TNS3: variants seen among roughly 807,000 people sequenced by gnomAD.
TNS3 encodes the protein tensin-3.
A neutral mutation model predicts 140.9 loss-of-function variants in TNS3; 45 were observed. The observed-to-expected ratio is 0.32, with a 90% confidence interval of 0.25 to 0.41. The LOEUF (loss-of-function observed/expected upper bound fraction) is 0.41, where lower values mean the gene tolerates loss of function less well. Ranked by LOEUF, TNS3 falls within the 10% of genes least tolerant of loss-of-function variation. TNS3 has a pLI of 1.00. For missense variants in TNS3, 1,716 were observed against 1,906.7 expected, an observed-to-expected ratio of 0.90 and a Z score of 1.86; for synonymous variants, 815 against 788.4, an observed-to-expected ratio of 1.03 and a Z score of -0.56.
At chr7:47,531,885 T>G (rs1381596518) in intron 1 of TNS3, among the ~76,000 whole-genome samples, 2 of 152,148 alleles carry the variant, frequency 1.3e-5, no homozygotes, top group African/African-American at 4.8e-5. Flanking sequence ...AGGCAGGATC[T>G]GCCCCCCGGG....
intron 16 of TNS3, among the ~76,000 whole-genome samples, chr7:47,379,620 C>T (rs1044810792): frequency 2.0e-5 from 3 of 152,056 alleles, no homozygotes; most frequent in African/African-American, 4.8e-5. Context: ...AAATAAAAGA[C>T]GGTAATAAAC....
intron 4 of TNS3, among the ~76,000 whole-genome samples, chr7:47,459,964 T>C (rs1466228094): frequency 6.6e-6 from 1 of 152,084 alleles, no homozygotes; most frequent in African/African-American, 2.4e-5. Context: ...AATGACACCA[T>C]TAGGGTGGCC....
At chr7:47,340,062 T>TAC (rs1788877482) in intron 20 of TNS3, among the ~76,000 whole-genome samples, 3 of 138,760 alleles carry the variant, frequency 2.2e-5, no homozygotes, top group Admixed American at 1.5e-4. Context: ...TGTATATATA[T>TAC]ACATACGAAT....
chr7:47,396,347 G>A (rs546015542), intron 16 of TNS3, among the ~76,000 whole-genome samples: 73 of 152,192 alleles, frequency 4.8e-4, no homozygotes, highest in Non-Finnish European at 7.8e-4. Context: ...AAATGATACA[G>A]CCATAAATCA....
At chr7:47,568,729 T>A (rs897093468) in intron 1 of TNS3, among the ~76,000 whole-genome samples, 1 of 152,222 alleles carries the variant, frequency 6.6e-6, no homozygotes, top group Non-Finnish European at 1.5e-5. Flanking sequence ...AACAGAACAG[T>A]GCGTTATGGA....
intron 1 of TNS3, among the ~76,000 whole-genome samples, chr7:47,540,951 G>C (rs147763119): frequency 4.6e-5 from 7 of 152,274 alleles, no homozygotes; most frequent in African/African-American, 1.7e-4. Context: ...CTGGCAAAAA[G>C]GAAAAAGCAT....
At position 47,422,803 on chromosome 7, in the gene TNS3, TG is replaced by T. The variant is rs576204117; in HGVS notation, c.473+1297del. Among the ~76,000 whole-genome samples, 31 of 151,878 alleles carry T rather than the reference TG, an allele frequency of 2.0e-4. No individual in the cohort carries two copies. The East Asian group carries it at 5.4e-3, about 27-fold the overall frequency. ...CTCCCTATTTACACCTCATTTTCCA[TG>T]CAGGAGGTCATATGAATGTCACGAT... On this transcript the variant is annotated intron_variant, in intron 10 of 30. Transcript: ENST00000311160.
chr7:47,326,625 C>T (rs549061290), intron 20 of TNS3, among the ~76,000 whole-genome samples: 150 of 152,200 alleles, frequency 9.9e-4, no homozygotes, highest in African/African-American at 3.4e-3. Flanking sequence ...GAGAAAATCA[C>T]CCCTCTCTCG....
At chr7:47,394,029 C>T (rs1220570257) in intron 16 of TNS3, among the ~76,000 whole-genome samples, 1 of 152,172 alleles carries the variant, frequency 6.6e-6, no homozygotes, top group Non-Finnish European at 1.5e-5. Flanking sequence ...CCACACAATC[C>T]ATAGCAGTCT....
At chr7:47,341,379 G>A (rs1218858350) in intron 20 of TNS3, among the ~76,000 whole-genome samples, 1 of 152,100 alleles carries the variant, frequency 6.6e-6, no homozygotes, top group African/African-American at 2.4e-5. Context: ...TCTTTTTTGG[G>A]AGATTATAAA....
At chr7:47,370,978 C>A (rs1453007933) in intron 16 of TNS3, among the ~76,000 whole-genome samples, 1 of 152,184 alleles carries the variant, frequency 6.6e-6, no homozygotes, top group Non-Finnish European at 1.5e-5. Flanking sequence ...CCAAGGGGTC[C>A]TGGGGTGTGG....
At chr7:47,319,378 CGA>C (rs141689314) in intron 20 of TNS3, among the ~76,000 whole-genome samples, 1 of 149,402 alleles carries the variant, frequency 6.7e-6, no homozygotes, top group Non-Finnish European at 1.5e-5. Flanking sequence ...GAGAGGAAGG[CGA>C]GAGAGAGAGA....
intron 16 of TNS3, among the ~76,000 whole-genome samples, chr7:47,389,048 GAAGAAGAAGAAGAA>G (rs1792283102): frequency 1.9e-5 from 1 of 51,614 alleles, no homozygotes; most frequent in African/African-American, 9.7e-5. Flanking sequence ...AGAAGAAGAA[GAAGAAGAAGAAGAA>G]GAAGAAGAAG....
chr7:47,456,426 A>G (rs959251047), intron 4 of TNS3, among the ~76,000 whole-genome samples: 1 of 152,114 alleles, frequency 6.6e-6, no homozygotes, highest in Non-Finnish European at 1.5e-5. Context: ...CCACCTGGGG[A>G]ATGGGGGTGG....
chr7:47,389,063 GAAGAA>G (rs1792294579), intron 16 of TNS3, among the ~76,000 whole-genome samples: 4 of 73,364 alleles, frequency 5.5e-5, no homozygotes, highest in Middle Eastern at 5.3e-3. Context: ...AGAAGAAGAA[GAAGAA>G]GAAGAAGAAG....
intron 16 of TNS3, among the ~76,000 whole-genome samples, chr7:47,389,104 G>GAAGAAGAAGAA (rs1562675556): frequency 2.0e-4 from 6 of 29,980 alleles, no homozygotes; most frequent in African/African-American, 1.2e-3. Context: ...AAGAGGAAGC[G>GAAGAAGAAGAA]GAAGCAGAAG....
At chr7:47,498,785 A>T (rs575085509) in intron 3 of TNS3, among the ~76,000 whole-genome samples, 1 of 152,354 alleles carries the variant, frequency 6.6e-6, no homozygotes, top group Admixed American at 6.5e-5. Context: ...GGTCACCACC[A>T]GTTTCAAAGA....
intron 21 of TNS3, 68 bp from the exon 22 acceptor site, chr7:47,303,652 G>A (rs1052712332): frequency 1.1e-5 from 16 of 1,479,192 alleles, no homozygotes; most frequent in African/African-American, 9.8e-5. Flanking sequence ...ACCAGCAAGC[G>A]TCACCCACAC....
intron 20 of TNS3, among the ~76,000 whole-genome samples, chr7:47,340,116 T>TATATATATATATATATATATATA (rs1491157255): frequency 6.1e-5 from 1 of 16,472 alleles, no homozygotes; most frequent in Non-Finnish European, 1.4e-4. Flanking sequence ...TATATATATA[T>TATATATATATATATATATATATA]TTTTTTTTTT....
Sources: gnomAD v4.1 joint callset for allele counts (sites outside exome capture counted in the v4.1 genomes callset) on GRCh38, gnomAD v4.1.1 for gene constraint, MANE v1.5 for transcripts, NCBI Gene and HGNC (gene_info 2026-07-23, HGNC 2026-07-21) for gene names.